AGAP1: variants seen among roughly 807,000 people sequenced by gnomAD.
The protein encoded by AGAP1 is arf-GAP with GTPase, ANK repeat and PH domain-containing protein 1.
Under a neutral mutation model 105.3 loss-of-function variants are expected in AGAP1, and 29 were observed. The observed-to-expected ratio is 0.28, with a 90% confidence interval of 0.21 to 0.38. AGAP1 has a LOEUF of 0.38. Ranked by LOEUF, AGAP1 falls within the 10% of genes least tolerant of loss-of-function variation. AGAP1 has a pLI of 1.00. For synonymous variants in AGAP1, 509 were observed against 485.9 expected (o/e 1.05, Z -0.63); for missense variants, 998 against 1,165.1 (o/e 0.86, Z 2.09).
intron 9 of AGAP1, among the ~76,000 whole-genome samples, chr2:235,853,993 T>C (rs1207434350): frequency 6.6e-6 from 1 of 151,870 alleles, no homozygotes; most frequent in Non-Finnish European, 1.5e-5. Flanking sequence ...GAAGCAAATA[T>C]GGTAAATATG....
chr2:236,027,978 A>G lies in AGAP1; in HGVS notation c.1646-8583A>G, dbSNP rs1028556375. On this transcript the variant is annotated intron_variant, in intron 13 of 17. Coordinates refer to ENST00000304032, the MANE Select transcript of AGAP1 (RefSeq NM_001037131.3). The surrounding 1 kb of genome is among the most constrained non-coding windows in gnomAD (Gnocchi z 4.4). ...TTGCGATTCGTGTCTTTATTTCTTC[A>G]TTATTTGTATAGTCCTGTGCTTTTC... Among the ~76,000 whole-genome samples, 5 of 151,954 alleles carry G rather than the reference A, an allele frequency of 3.3e-5. No homozygotes were observed. The highest frequency in any genetic ancestry group is 7.4e-5 in the Non-Finnish European group (5 of 67,984).
At chr2:236,065,365 C>G (rs1046819610) in intron 16 of AGAP1, among the ~76,000 whole-genome samples, 9 of 152,244 alleles carry the variant, frequency 5.9e-5, no homozygotes, top group Non-Finnish European at 1.3e-4. Context: ...CTGCATTCGA[C>G]TGGATGCATT....
At chr2:236,108,793 C>G (rs1367094017) in intron 16 of AGAP1, among the ~76,000 whole-genome samples, 1 of 152,062 alleles carries the variant, frequency 6.6e-6, no homozygotes, top group South Asian at 2.1e-4. Flanking sequence ...CGCCCCAGCC[C>G]TGCCACACAC....
rs568781897 is a variant in AGAP1 at position 236,092,639 on chromosome 2, G to A, written c.2115-27553G>A. On this transcript the variant is annotated intron_variant, in intron 16 of 17. Transcript: ENST00000304032. The surrounding 1 kb of genome is among the most constrained non-coding windows in gnomAD (Gnocchi z 4.7). ...GATCTCCTGACCTCATGATCCACCC[G>A]CCTTGGCCTCCCAAAGTGCTGGGAT... Among the ~76,000 whole-genome samples, 189 of 152,228 alleles carry A rather than the reference G, an allele frequency of 1.2e-3. No homozygotes were observed. The highest frequency in any genetic ancestry group is 4.4e-3 in the African/African-American group (182 of 41,542).
rs564198328 is a variant in AGAP1 at position 235,979,116 on chromosome 2, G to A, written c.1645+10493G>A. Among the ~76,000 whole-genome samples the A allele has an allele frequency of 2.3e-4, 34 of 149,744 alleles. No individual in the cohort carries two copies. Among genetic ancestry groups the A allele is most frequent in the African/African-American group, 6.4e-4 (26 of 40,494 alleles). On this transcript the variant is annotated intron_variant, in intron 13 of 17. Coordinates refer to ENST00000304032, the MANE Select transcript of AGAP1 (RefSeq NM_001037131.3). This position sits in a 1 kb window ranked among gnomAD's most constrained non-coding sequence, Gnocchi z 4.5. ...TTTTTTGGATGACAGAAGTGTATTT[G>A]TGGGGTTTTTTTGTTGTTGTTTTTG... is the stretch of plus-strand genomic sequence containing the variant.
rs1032052411 is a variant in AGAP1 at position 235,734,069 on chromosome 2, A to G, written c.311-6894A>G. On this transcript the variant is annotated intron_variant, in intron 3 of 17. Coordinates refer to ENST00000304032, the MANE Select transcript of AGAP1 (RefSeq NM_001037131.3). The surrounding 1 kb of genome is among the most constrained non-coding windows in gnomAD (Gnocchi z 5.3). ...TTTTTTACAAATTTCTGGCGCATTCATGATTGAAATTTTAAATATTCTCCT... is the reference window on the plus strand; with the variant it reads ...TTTTTTACAAATTTCTGGCGCATTCGTGATTGAAATTTTAAATATTCTCCT... Among the ~76,000 whole-genome samples the G allele has an allele frequency of 2.0e-5, 3 of 152,224 alleles. No individual in the cohort carries two copies. The highest frequency in any genetic ancestry group is 4.8e-5 in the African/African-American group (2 of 41,452).
intron 13 of AGAP1, among the ~76,000 whole-genome samples, chr2:236,006,873 A>T (rs1321156121): frequency 6.6e-6 from 1 of 152,180 alleles, no homozygotes; most frequent in Non-Finnish European, 1.5e-5. Context: ...TTCTTGCTGA[A>T]ACCTGAATGA....
In AGAP1 at chr2:235,536,664, CA is replaced by C. The variant is rs1559231718; in HGVS notation, c.163+41816del. Among the ~76,000 whole-genome samples the C allele has an allele frequency of 2.1e-3, 315 of 151,774 alleles. 3 individuals carry two copies. Among genetic ancestry groups the C allele is most frequent in the Admixed American group, 4.3e-3 (66 of 15,238 alleles). The stretch of plus-strand genomic sequence containing the variant: ...ACACACACACACACACACACACACA[CA>C]CACACACACACACCCCTTGCTTATG... On this transcript the variant is annotated intron_variant, in intron 1 of 17. Coordinates refer to ENST00000304032, the MANE Select transcript of AGAP1 (RefSeq NM_001037131.3).
chr2:235,632,617 A>G (rs147496880), intron 1 of AGAP1, among the ~76,000 whole-genome samples: 82 of 152,244 alleles, frequency 5.4e-4, no homozygotes, highest in Middle Eastern at 6.8e-3. Flanking sequence ...CTTGGCAGCA[A>G]TTGGGAAACT....
intron 1 of AGAP1, among the ~76,000 whole-genome samples, chr2:235,637,065 A>G (rs1467442618): frequency 1.3e-5 from 2 of 152,154 alleles, no homozygotes; most frequent in East Asian, 3.9e-4. Flanking sequence ...GAGACAATGT[A>G]TGTCTGTTTC....
At position 235,967,737 on chromosome 2, in the gene AGAP1, A is replaced by G. The variant is rs1346675757; in HGVS notation, c.1484-725A>G. Among the ~76,000 whole-genome samples, 7 of 152,322 alleles carry G rather than the reference A, an allele frequency of 4.6e-5. No homozygotes were observed. The highest frequency in any genetic ancestry group is 4.1e-4 in the South Asian group (2 of 4,824). On this transcript the variant is annotated intron_variant, in intron 12 of 17. Coordinates refer to ENST00000304032, the MANE Select transcript of AGAP1 (RefSeq NM_001037131.3). This position sits in a 1 kb window ranked among gnomAD's most constrained non-coding sequence, Gnocchi z 4.7. ...CTTGAATTATATGCGCGTTCTGGTCATGTAGTACCGCTTTGGCCTTCTCTT... is the reference window on the plus strand; with the variant it reads ...CTTGAATTATATGCGCGTTCTGGTCGTGTAGTACCGCTTTGGCCTTCTCTT...
At position 235,973,800 on chromosome 2, in the gene AGAP1, G is replaced by C. The variant is rs528903412; in HGVS notation, c.1645+5177G>C. Among the ~76,000 whole-genome samples, 4 of 152,154 alleles carry C rather than the reference G, an allele frequency of 2.6e-5. No homozygotes were observed. The highest frequency in any genetic ancestry group is 4.8e-5 in the African/African-American group (2 of 41,432). On this transcript the variant is annotated intron_variant, in intron 13 of 17. Transcript: ENST00000304032. This position sits in a 1 kb window ranked among gnomAD's most constrained non-coding sequence, Gnocchi z 4.7. ...CCCGACCCTGCATGGGGTCGGCATG[G>C]GTTGGACCAGGGCAGAGGAACCTGG...
intron 1 of AGAP1, among the ~76,000 whole-genome samples, chr2:235,520,846 G>A (rs946704377): frequency 6.6e-6 from 1 of 152,190 alleles, no homozygotes; most frequent in African/African-American, 2.4e-5. Flanking sequence ...TGGATTAAAT[G>A]TACATGGTGC....
chr2:235,591,156 C>CCTGT (rs1945327060), intron 1 of AGAP1, among the ~76,000 whole-genome samples: 2 of 152,148 alleles, frequency 1.3e-5, no homozygotes, highest in African/African-American at 4.8e-5. Flanking sequence ...GCTGGGATTA[C>CCTGT]AGGCACCCAC....
intron 1 of AGAP1, among the ~76,000 whole-genome samples, chr2:235,677,314 G>A (rs1948793303): frequency 6.6e-6 from 1 of 152,190 alleles, no homozygotes; most frequent in Admixed American, 6.5e-5. Context: ...TGGGTCAGAA[G>A]ATGAGAGTCC....
intron 16 of AGAP1, among the ~76,000 whole-genome samples, chr2:236,115,079 C>T (rs1015734602): frequency 2.6e-5 from 4 of 152,212 alleles, no homozygotes; most frequent in Admixed American, 6.5e-5. Flanking sequence ...TACACACAGC[C>T]GTGATTTAGA....
intron 1 of AGAP1, among the ~76,000 whole-genome samples, chr2:235,677,159 C>T (rs897968203): frequency 5.9e-5 from 9 of 152,172 alleles, no homozygotes; most frequent in Admixed American, 2.0e-4. Flanking sequence ...CCTTTAATTA[C>T]ATTTAGCTAG....
rs2049137764 is a variant in AGAP1 at position 235,865,725 on chromosome 2, G to C, written c.1051-17620G>C. On this transcript the variant is annotated intron_variant, in intron 9 of 17. Coordinates refer to ENST00000304032, the MANE Select transcript of AGAP1 (RefSeq NM_001037131.3). This position sits in a 1 kb window ranked among gnomAD's most constrained non-coding sequence, Gnocchi z 6.2. ...GCTCAGTTAAGGGGGGATTCCTGCTGTTCCTATGGAAACACTTTAAACTAG... is the reference window on the plus strand; with the variant it reads ...GCTCAGTTAAGGGGGGATTCCTGCTCTTCCTATGGAAACACTTTAAACTAG... Among the ~76,000 whole-genome samples, 1 of 152,180 alleles carries C rather than the reference G, an allele frequency of 6.6e-6. No individual in the cohort carries two copies. Among genetic ancestry groups the C allele is most frequent in the East Asian group, 1.9e-4 (1 of 5,192 alleles).
At chr2:235,802,282 CG>C (rs1317752084) in intron 8 of AGAP1, among the ~76,000 whole-genome samples, 1 of 152,084 alleles carries the variant, frequency 6.6e-6, no homozygotes, top group Non-Finnish European at 1.5e-5. Context: ...ATGAAGAGGC[CG>C]GGCAGGGCAG....
Sources: allele counts gnomAD v4.1 joint callset (sites outside exome capture counted in the v4.1 genomes callset), GRCh38; gene constraint gnomAD v4.1.1; non-coding constraint Gnocchi (gnomAD v3.1); transcripts MANE v1.5; gene names NCBI Gene and HGNC (gene_info 2026-07-23, HGNC 2026-07-21).